UTS2B: variants seen among roughly 807,000 people sequenced by gnomAD.
The protein encoded by UTS2B is urotensin-2B.
In UTS2B, 21 loss-of-function variants were observed where a neutral mutation model predicts 19.2. That is an observed-to-expected ratio of 1.09 (90% CI 0.78 to 1.58). The LOEUF (loss-of-function observed/expected upper bound fraction) is 1.58. UTS2B is among the 40% of genes most tolerant of loss of function. UTS2B has a pLI of 0.00. For synonymous variants in UTS2B, 57 were observed against 50.2 expected (o/e 1.14, Z -0.58); for missense variants, 138 against 130.3 (o/e 1.06, Z -0.29).
intron 3 of UTS2B, among the ~76,000 whole-genome samples, chr3:191,307,084 T>C (rs1036787087): frequency 7.9e-5 from 12 of 152,206 alleles, no homozygotes; most frequent in African/African-American, 2.7e-4. Flanking sequence ...GAAAGGTTCA[T>C]AGGCAATATG....
Position 191,275,319 on chromosome 3 carries a change from C to T in UTS2B, c.267G>A (p.Val89=). ...NQLEKLKEQL[V]EEKDSETSYA... ...AGGACGTCTCAGAATCCTTCTCCTC[C>T]ACTAGCTGTTCTTTTAGCTTTTCCA... The change falls in exon 8 of 9, where the codon GTG becomes GTA. Residue 89 remains valine, a synonymous_variant. Transcript: ENST00000340524. 6.2e-7 allele frequency: 1 copy of T among 1,613,636 alleles called. No individual in the cohort carries two copies. Among genetic ancestry groups the T allele is most frequent in the South Asian group, 1.1e-5 (1 of 91,038 alleles).
At chr3:191,303,530 T>TAAAA (rs56081437) in intron 4 of UTS2B, among the ~76,000 whole-genome samples, 1 of 148,230 alleles carries the variant, frequency 6.7e-6, no homozygotes, top group Non-Finnish European at 1.5e-5. Flanking sequence ...CACATTTCCT[T>TAAAA]AAAAAAAAAA....
At chr3:191,274,432 C>T (rs1339355517) in intron 8 of UTS2B, among the ~76,000 whole-genome samples, 2 of 152,048 alleles carry the variant, frequency 1.3e-5, no homozygotes, top group East Asian at 1.9e-4. Context: ...TATCATTATC[C>T]GCATTTTTAG....
Position 191,276,729 on chromosome 3 carries a change from T to C in UTS2B, c.240+78A>G, listed in dbSNP as rs1417793166. The stretch of plus-strand genomic sequence containing the variant: ...TACATTGTAGTATTAATAATTTATT[T>C]TAAAAAACATTGTGTCAAGAAGAAA... On this transcript the variant is annotated intron_variant, in intron 7 of 8. Coordinates refer to ENST00000340524, the MANE Select transcript of UTS2B (RefSeq NM_198152.5). 9 of 1,246,558 alleles carry C rather than the reference T, an allele frequency of 7.2e-6. No homozygotes were observed. In the Admixed American group the frequency reaches 1.7e-4, roughly 23 times the overall value. The allele number at this position is 1,246,558 out of a possible 1,614,324, so 77.2% of individuals were successfully genotyped here. A position where few individuals can be genotyped will look rare whatever the true frequency, so the allele number is the denominator to read the frequency against.
chr3:191,298,314 C>T (rs1285311949), intron 4 of UTS2B, among the ~76,000 whole-genome samples: 1 of 152,096 alleles, frequency 6.6e-6, no homozygotes, highest in Non-Finnish European at 1.5e-5. Flanking sequence ...ATTGTAATCC[C>T]CAATATTGGA....
intron 3 of UTS2B, among the ~76,000 whole-genome samples, chr3:191,306,631 ATTTTG>A (rs1026763551): frequency 4.6e-5 from 7 of 152,146 alleles, no homozygotes; most frequent in African/African-American, 1.2e-4. Flanking sequence ...ACTAGGGGAA[ATTTTG>A]TTTTGTTTTG....
At chr3:191,343,827 T>C in the UTS2B span, among the ~76,000 whole-genome samples, 1 of 152,254 alleles carries the variant, frequency 6.6e-6, no homozygotes, top group Non-Finnish European at 1.5e-5. Context: ...TCAGTACCAG[T>C]TGTATTTCAA....
At chr3:191,345,197 T>G in the UTS2B span, among the ~76,000 whole-genome samples, 1 of 152,314 alleles carries the variant, frequency 6.6e-6, no homozygotes, top group East Asian at 1.9e-4. Context: ...AAGTCTTAAC[T>G]TTTCTTGGGT....
chr3:191,273,654 A>G (rs1455507464), intron 8 of UTS2B: 1 of 452,706 alleles, frequency 2.2e-6, no homozygotes, highest in Non-Finnish European at 4.5e-6. Flanking sequence ...TTAGATTACA[A>G]CTGTTAACAC....
chr3:191,288,656 T>C (rs1184713770), intron 4 of UTS2B, among the ~76,000 whole-genome samples: 1 of 139,760 alleles, frequency 7.2e-6, no homozygotes, highest in African/African-American at 2.5e-5. Flanking sequence ...CCTGATACTG[T>C]AAATCTACTG....
chr3:191,322,021 C>G (rs1717624222), intron 2 of UTS2B, among the ~76,000 whole-genome samples: 1 of 150,974 alleles, frequency 6.6e-6, no homozygotes, highest in Non-Finnish European at 1.5e-5. Flanking sequence ...GAGAAAAACT[C>G]CATCGGAAAA....
the UTS2B span, among the ~76,000 whole-genome samples, chr3:191,337,443 C>T: frequency 1.6e-4 from 24 of 151,750 alleles, no homozygotes; most frequent in African/African-American, 5.8e-4. Context: ...CGCCCAGGCT[C>T]GAGCGATTCT....
At chr3:191,279,503 C>A (rs1716323648) in intron 5 of UTS2B, among the ~76,000 whole-genome samples, 1 of 151,872 alleles carries the variant, frequency 6.6e-6, no homozygotes, top group African/African-American at 2.4e-5. Context: ...AGAAAGACAA[C>A]TATGGTAAGA....
intron 1 of UTS2B, chr3:191,329,641 C>G: frequency 6.3e-7 from 1 of 1,597,094 alleles, no homozygotes; most frequent in African/African-American, 1.3e-5. Context: ...CCGGGAAGCC[C>G]GCGTTAAAGG....
At chr3:191,340,586 C>G in the UTS2B span, among the ~76,000 whole-genome samples, 1 of 152,318 alleles carries the variant, frequency 6.6e-6, no homozygotes, top group Admixed American at 6.5e-5. Context: ...TCTCAGTAAA[C>G]TATAATTACA....
chr3:191,340,458 A>G, the UTS2B span, among the ~76,000 whole-genome samples: 61 of 152,372 alleles, frequency 4.0e-4, no homozygotes, highest in African/African-American at 1.5e-3. Flanking sequence ...AGTTTTAGCT[A>G]TGCCAAAAAG....
intron 4 of UTS2B, among the ~76,000 whole-genome samples, chr3:191,284,241 C>G (rs993513112): frequency 5.9e-5 from 9 of 152,082 alleles, no homozygotes; most frequent in Non-Finnish European, 1.2e-4. Flanking sequence ...AACTCCAATT[C>G]TCATGGGTAA....
At chr3:191,285,065 GT>G (rs1328352266) in intron 4 of UTS2B, among the ~76,000 whole-genome samples, 2 of 152,176 alleles carry the variant, frequency 1.3e-5, no homozygotes, top group South Asian at 2.1e-4. Flanking sequence ...ATGGTGGTAT[GT>G]AAGTCACTAA....
At chr3:191,301,831 A>C (rs1290531319) in intron 4 of UTS2B, among the ~76,000 whole-genome samples, 1 of 152,202 alleles carries the variant, frequency 6.6e-6, no homozygotes, top group Non-Finnish European at 1.5e-5. Flanking sequence ...CCCTATTCAA[A>C]GAGCAGTGCT....
Sources: allele counts gnomAD v4.1 joint callset (sites outside exome capture counted in the v4.1 genomes callset), GRCh38; gene constraint gnomAD v4.1.1; transcripts MANE v1.5; gene names NCBI Gene and HGNC (gene_info 2026-07-23, HGNC 2026-07-21).